Variants in SLC10A7 observed in about 807,000 individuals in gnomAD.
The protein encoded by SLC10A7 is solute carrier family 10 member 7, also known as sodium/bile acid cotransporter 7.
In SLC10A7, 29 loss-of-function variants were observed where a neutral mutation model predicts 43.2. That is an observed-to-expected ratio of 0.67 (90% CI 0.50 to 0.92). SLC10A7 has a LOEUF of 0.92. Ranked by LOEUF, SLC10A7 falls within the 40% of genes least tolerant of loss-of-function variation. SLC10A7 has a pLI of 0.00. For missense variants in SLC10A7, 295 were observed against 403.2 expected (o/e 0.73, Z 2.30); for synonymous variants, 152 against 144.8 (o/e 1.05, Z -0.35).
intron 2 of SLC10A7, chr4:146,515,044 A>C (rs1410462704): frequency 1.5e-6 from 1 of 687,414 alleles, no homozygotes; most frequent in Non-Finnish European, 2.6e-6. Context: ...AGGTGCTTAC[A>C]AAAGAAGTCA....
chr4:146,293,636 G>A (rs752692761), intron 8 of SLC10A7, among the ~76,000 whole-genome samples: 1 of 152,086 alleles, frequency 6.6e-6, no homozygotes, highest in South Asian at 2.1e-4. Flanking sequence ...TGGTGACACA[G>A]TGCTTAATCT....
chr4:146,416,222 C>CTCCAAACACT (rs11283376), intron 5 of SLC10A7, among the ~76,000 whole-genome samples: 39,536 of 151,858 alleles, frequency 0.26, 5,841 homozygotes, highest in African/African-American at 0.41. Context: ...GAGGCAAAAA[C>CTCCAAACACT]TCAGTAGGGT....
intron 5 of SLC10A7, among the ~76,000 whole-genome samples, chr4:146,415,307 C>T (rs900932739): frequency 6.6e-6 from 1 of 152,180 alleles, no homozygotes; most frequent in African/African-American, 2.4e-5. Context: ...CTTCTCATTA[C>T]CAGCTGGATA....
chr4:146,345,651 G>A (rs1734569155), intron 5 of SLC10A7, among the ~76,000 whole-genome samples: 1 of 152,036 alleles, frequency 6.6e-6, no homozygotes, highest in South Asian at 2.1e-4. Flanking sequence ...ATGCATCACA[G>A]TTGTAATTTT....
chr4:146,427,364 T>C (rs945929510), intron 5 of SLC10A7, among the ~76,000 whole-genome samples: 1 of 152,184 alleles, frequency 6.6e-6, no homozygotes, highest in Non-Finnish European at 1.5e-5. Context: ...CTGGATGTTT[T>C]CTAGTGTTAC....
At chr4:146,351,166 C>A (rs943069046) in intron 5 of SLC10A7, among the ~76,000 whole-genome samples, 1 of 150,838 alleles carries the variant, frequency 6.6e-6, no homozygotes, top group Admixed American at 6.6e-5. Flanking sequence ...ACTAGAATAA[C>A]CAATACAGAC....
chr4:146,279,491 A>C (rs947427564), intron 10 of SLC10A7, among the ~76,000 whole-genome samples: 3 of 152,192 alleles, frequency 2.0e-5, no homozygotes, highest in Non-Finnish European at 4.4e-5. Context: ...GCTATGTAAA[A>C]TATCTTTTCA....
intron 9 of SLC10A7, among the ~76,000 whole-genome samples, chr4:146,286,177 AGTTTGGAGTGGTGAGAAGGACCGT>A (rs1729916216): frequency 1.3e-4 from 18 of 142,020 alleles, no homozygotes; most frequent in African/African-American, 4.2e-4. Flanking sequence ...AGAAGGACGG[AGTTTGGAGTGGTGAGAAGGACCGT>A]GTTTGGAGTG....
chr4:146,501,622 A>G (rs1004033064), intron 4 of SLC10A7, among the ~76,000 whole-genome samples: 1 of 152,220 alleles, frequency 6.6e-6, no homozygotes, highest in African/African-American at 2.4e-5. Context: ...TAGGGATGGC[A>G]AAAGACCTTC....
chr4:146,472,454 T>C (rs1033953837), intron 4 of SLC10A7, among the ~76,000 whole-genome samples: 4 of 124,398 alleles, frequency 3.2e-5, no homozygotes, highest in East Asian at 2.5e-4. Flanking sequence ...TTTTTTTTTT[T>C]CCTTTCAAGC....
intron 7 of SLC10A7, among the ~76,000 whole-genome samples, chr4:146,296,108 C>G (rs1163761857): frequency 1.3e-5 from 2 of 152,088 alleles, no homozygotes; most frequent in Non-Finnish European, 2.9e-5. Context: ...AATACCAAAT[C>G]CACTGATGCT....
At position 146,254,397 on chromosome 4, in the gene SLC10A7, A is replaced by G. The variant is rs1560734998; in HGVS notation, c.*2094T>C. The G allele has an allele frequency of 6.6e-6, 1 of 152,214 alleles. No homozygotes were observed. The highest frequency in any genetic ancestry group is 1.5e-5 in the Non-Finnish European group (1 of 68,036). 9.4% of individuals were successfully genotyped at this position (152,214 alleles called of 1,614,324 possible). On this transcript the variant is annotated 3_prime_UTR_variant, in exon 12 of 12. Coordinates refer to ENST00000335472, the MANE Select transcript of SLC10A7 (RefSeq NM_001029998.6). ...TTTAAGCTCTGAATAATTAAATCCC[A>G]ATAAGCATGAATTAAAAATAAATTT...
intron 5 of SLC10A7, among the ~76,000 whole-genome samples, chr4:146,358,879 A>G (rs956870898): frequency 7.2e-5 from 11 of 152,148 alleles, no homozygotes; most frequent in African/African-American, 2.7e-4. Context: ...ATTCTGTTGG[A>G]TACAACACCT....
chr4:146,412,549 T>C (rs1728272862), intron 5 of SLC10A7, among the ~76,000 whole-genome samples: 1 of 152,170 alleles, frequency 6.6e-6, no homozygotes, highest in Non-Finnish European at 1.5e-5. Flanking sequence ...TATATCAACA[T>C]AAACATCAGC....
intron 2 of SLC10A7, chr4:146,514,106 A>G (rs1465964822): frequency 6.6e-6 from 1 of 152,172 alleles, no homozygotes; most frequent in East Asian, 1.9e-4. Context: ...TGACCATCTC[A>G]TTCATTTGCT....
intron 5 of SLC10A7, among the ~76,000 whole-genome samples, chr4:146,406,699 G>A (rs924957979): frequency 5.9e-5 from 9 of 152,090 alleles, no homozygotes; most frequent in Non-Finnish European, 8.8e-5. Context: ...TTTATTGTGC[G>A]TGGCCAGGCG....
chr4:146,365,817 T>G (rs898523081), intron 5 of SLC10A7, among the ~76,000 whole-genome samples: 4 of 152,212 alleles, frequency 2.6e-5, no homozygotes, highest in Non-Finnish European at 5.9e-5. Context: ...TTTGTCCTCT[T>G]CAGCAGGGGT....
intron 4 of SLC10A7, among the ~76,000 whole-genome samples, chr4:146,463,937 C>G (rs1232970902): frequency 6.6e-6 from 1 of 151,680 alleles, no homozygotes; most frequent in Non-Finnish European, 1.5e-5. Context: ...CATCTCCCAC[C>G]TCAGCCTCCC....
intron 5 of SLC10A7, among the ~76,000 whole-genome samples, chr4:146,382,758 C>T (rs533550225): frequency 1.2e-4 from 18 of 152,188 alleles, no homozygotes; most frequent in African/African-American, 4.3e-4. Flanking sequence ...TTTAAAATCA[C>T]ACCATTTTAA....
Sources: allele counts gnomAD v4.1 joint callset (sites outside exome capture counted in the v4.1 genomes callset), GRCh38; gene constraint gnomAD v4.1.1; transcripts MANE v1.5; gene names NCBI Gene and HGNC (gene_info 2026-07-23, HGNC 2026-07-21).